CSMD1: variants seen among roughly 807,000 people sequenced by gnomAD.
CSMD1 encodes CUB and sushi domain-containing protein 1.
In CSMD1, 213 loss-of-function variants were observed where a neutral mutation model predicts 417.5. The observed-to-expected ratio is 0.51, with a 90% CI of 0.46 to 0.57. The LOEUF is 0.57. Ranked by LOEUF, CSMD1 falls within the 20% of genes least tolerant of loss-of-function variation. The probability of loss-of-function intolerance (pLI) is 0.00; values close to 1 mark genes in which losing one functional copy is unlikely to be tolerated. For missense variants in CSMD1, 6,923 were observed against 4,529.7 expected, an observed-to-expected ratio of 1.53 and a Z score of -15.17; for synonymous variants, 2,862 against 1,736.8, an observed-to-expected ratio of 1.65 and a Z score of -16.11.
At chr8:4,454,178 C>T (rs937031849) in intron 2 of CSMD1, among the ~76,000 whole-genome samples, 1 of 151,996 alleles carries the variant, frequency 6.6e-6, no homozygotes, top group East Asian at 1.9e-4. Context: ...ATTATCAGTT[C>T]CTACCCCATT....
At chr8:3,030,053 A>G (rs1282950791) in intron 50 of CSMD1, among the ~76,000 whole-genome samples, 2 of 152,096 alleles carry the variant, frequency 1.3e-5, no homozygotes, top group African/African-American at 2.4e-5. Context: ...ACTGTTTCCA[A>G]AAATGTTTAA....
chr8:4,563,161 G>A (rs926423365), intron 2 of CSMD1, among the ~76,000 whole-genome samples: 2 of 152,056 alleles, frequency 1.3e-5, no homozygotes, highest in South Asian at 2.1e-4. Flanking sequence ...CAGCACTTTC[G>A]GAGGCCGAGG....
chr8:4,469,302 C>G (rs563712662), intron 2 of CSMD1, among the ~76,000 whole-genome samples: 4 of 152,278 alleles, frequency 2.6e-5, no homozygotes, highest in East Asian at 1.9e-4. Context: ...GTGGGACTTT[C>G]TCATTCTAAC....
chr8:3,393,336 G>A (rs1044089171), intron 17 of CSMD1, among the ~76,000 whole-genome samples: 1 of 152,162 alleles, frequency 6.6e-6, no homozygotes, highest in African/African-American at 2.4e-5. Flanking sequence ...TACCTCCTGA[G>A]ACTTCCAACA....
chr8:3,466,117 T>C (rs761956282), intron 12 of CSMD1, among the ~76,000 whole-genome samples: 1 of 152,192 alleles, frequency 6.6e-6, no homozygotes, highest in Non-Finnish European at 1.5e-5. Context: ...TCGCATTTCT[T>C]AAGTTCTTAC....
chr8:4,962,864 G>C (rs1366668385), intron 1 of CSMD1, among the ~76,000 whole-genome samples: 1 of 152,180 alleles, frequency 6.6e-6, no homozygotes, highest in Non-Finnish European at 1.5e-5. Flanking sequence ...CCTAAATGCA[G>C]AGGCACTGCC....
intron 3 of CSMD1, among the ~76,000 whole-genome samples, chr8:4,365,695 C>A (rs754468084): frequency 6.6e-6 from 1 of 152,164 alleles, no homozygotes; most frequent in Admixed American, 6.6e-5. Flanking sequence ...GCCTCTGATC[C>A]AGCCTGAGAC....
At chr8:3,123,843 C>A (rs996854708) in intron 41 of CSMD1, among the ~76,000 whole-genome samples, 8 of 152,190 alleles carry the variant, frequency 5.3e-5, no homozygotes, top group African/African-American at 1.7e-4. Context: ...ACATTTACAA[C>A]ACAGGAGTGT....
intron 3 of CSMD1, among the ~76,000 whole-genome samples, chr8:4,326,267 C>T (rs1286258588): frequency 6.6e-6 from 1 of 152,166 alleles, no homozygotes; most frequent in African/African-American, 2.4e-5. Context: ...AGATCATCTT[C>T]ACATACGGTG....
At chr8:3,155,685 G>A (rs569004984) in intron 39 of CSMD1, among the ~76,000 whole-genome samples, 4 of 152,078 alleles carry the variant, frequency 2.6e-5, no homozygotes, top group African/African-American at 7.2e-5. Context: ...GATTTTAAAC[G>A]TCTGTAAAAG....
chr8:4,451,020 G>T (rs1226738678), intron 2 of CSMD1, among the ~76,000 whole-genome samples: 1 of 100,872 alleles, frequency 9.9e-6, no homozygotes, highest in Non-Finnish European at 2.0e-5. Context: ...ACCAACGTGG[G>T]GAAAAAAAAA....
At chr8:4,128,749 C>T (rs1802914304) in intron 3 of CSMD1, among the ~76,000 whole-genome samples, 1 of 152,130 alleles carries the variant, frequency 6.6e-6, no homozygotes, top group Non-Finnish European at 1.5e-5. Context: ...ATCCCACACA[C>T]CACAGCCTCA....
At chr8:4,944,748 G>A (rs572774293) in intron 1 of CSMD1, among the ~76,000 whole-genome samples, 7 of 152,046 alleles carry the variant, frequency 4.6e-5, no homozygotes, top group Non-Finnish European at 8.8e-5. Context: ...AAACAAAATA[G>A]CAACTGTTGG....
At chr8:4,846,513 G>T (rs1218763572) in intron 1 of CSMD1, among the ~76,000 whole-genome samples, 1 of 152,154 alleles carries the variant, frequency 6.6e-6, no homozygotes, top group East Asian at 1.9e-4. Context: ...TCCCACAACC[G>T]ACATTGCTGT....
intron 3 of CSMD1, among the ~76,000 whole-genome samples, chr8:4,085,274 T>G (rs1048245018): frequency 5.9e-5 from 9 of 152,112 alleles, no homozygotes; most frequent in Non-Finnish European, 1.3e-4. Context: ...AATCTGTGCA[T>G]AGAATAAGAA....
intron 6 of CSMD1, among the ~76,000 whole-genome samples, chr8:3,726,995 G>A (rs1033117869): frequency 6.6e-5 from 10 of 152,186 alleles, no homozygotes; most frequent in South Asian, 6.2e-4. Flanking sequence ...TAAACACTGT[G>A]AACACAAACC....
At chr8:3,862,327 C>T (rs778854054) in intron 5 of CSMD1, among the ~76,000 whole-genome samples, 1 of 152,202 alleles carries the variant, frequency 6.6e-6, no homozygotes, top group Non-Finnish European at 1.5e-5. Context: ...TGCCCAAGGG[C>T]GTCCACCAGG....
At chr8:3,523,511 T>C (rs1189843259) in intron 10 of CSMD1, among the ~76,000 whole-genome samples, 1 of 151,986 alleles carries the variant, frequency 6.6e-6, no homozygotes, top group African/African-American at 2.4e-5. Flanking sequence ...AAAGGTGATC[T>C]GACGTGAAAA....
chr8:3,100,113 A>G (rs1004248257), intron 46 of CSMD1, among the ~76,000 whole-genome samples: 2 of 152,086 alleles, frequency 1.3e-5, no homozygotes, highest in Admixed American at 1.3e-4. Context: ...GGGCAGTGGC[A>G]GGATCACGGC....
Sources: gnomAD v4.1 joint callset for allele counts (sites outside exome capture counted in the v4.1 genomes callset) on GRCh38, gnomAD v4.1.1 for gene constraint, MANE v1.5 for transcripts, NCBI Gene and HGNC (gene_info 2026-07-23, HGNC 2026-07-21) for gene names.